The following CPT1B variants were observed in gnomAD, a reference collection of about 807,000 sequenced individuals.
CPT1B encodes the protein carnitine O-palmitoyltransferase 1, muscle isoform.
In CPT1B, 57 loss-of-function variants were observed where a neutral mutation model predicts 92.7. The ratio of observed to expected loss-of-function variants is 0.62; its 90% CI spans 0.50 to 0.77. The LOEUF is 0.77. Ranked by LOEUF, CPT1B falls within the 30% of genes least tolerant of loss-of-function variation. The pLI is 0.00. For missense variants in CPT1B, 983 were observed against 1,017.4 expected, an observed-to-expected ratio of 0.97 and a Z score of 0.46; for synonymous variants, 398 against 383.5, an observed-to-expected ratio of 1.04 and a Z score of -0.44.
chr22:50,575,614 C>G (rs1015966192), intron 7 of CPT1B, among the ~76,000 whole-genome samples: 2 of 152,186 alleles, frequency 1.3e-5, no homozygotes, highest in Non-Finnish European at 2.9e-5. Context: ...AAAGCAGCAG[C>G]CTGGCCTCCA....
chr22:50,577,623 A>G, intron 2 of CPT1B, 152 bp downstream of exon 2: 1 of 1,403,106 alleles, frequency 7.1e-7, no homozygotes, highest in African/African-American at 1.4e-5. Flanking sequence ...CCTGTGTCCG[A>G]CCACATCCTG....
At chr22:50,578,518 A>G (rs2070583198), upstream of CPT1B, 1 of 156,012 alleles carries the variant, frequency 6.4e-6, no homozygotes, top group Non-Finnish European at 1.4e-5. Flanking sequence ...GGTCGGGGAA[A>G]AACGTGGGGC....
chr22:50,577,117 AG>A, intron 3 of CPT1B, 83 bp from the exon 4 acceptor site: 1 of 1,511,838 alleles, frequency 6.6e-7, no homozygotes, highest in Non-Finnish European at 9.1e-7. Flanking sequence ...GGAGACACCA[AG>A]GGGAAGAACC....
Position 50,577,426 on chromosome 22 carries a change from G to A in CPT1B, c.179C>T (p.Thr60Ile). The change falls in exon 3 of 20, where the codon ACC becomes ATC. Residue 60 changes from threonine (T) to isoleucine (I), a missense_variant. Physicochemically the swap from Thr to Ile is moderately conservative, Grantham distance 89. Transcript: ENST00000312108. ...ILRGVYPGSPTSWLVVIMATV... is the reference protein window; with the variant it reads ...ILRGVYPGSPISWLVVIMATV... ...TGCCATGATGACGACCAGCCAGCTG[G>A]TGGGGCTGCCAGGGTACACGCCCCT... The A allele has an allele frequency of 6.2e-7, 1 of 1,613,882 alleles. No homozygotes were observed. Among genetic ancestry groups the A allele is most frequent in the Non-Finnish European group, 8.5e-7 (1 of 1,179,990 alleles).
Position 50,573,385 on chromosome 22 carries a change from C to T in CPT1B, c.1166+135G>A. On this transcript the variant is annotated intron_variant, in intron 10 of 19. Coordinates refer to ENST00000312108, the MANE Select transcript of CPT1B (RefSeq NM_152246.3). The surrounding 1 kb of genome is among the most constrained non-coding windows in gnomAD (Gnocchi z 5.0). ...GAGGTAGGTTATGCTGGCTGTCCTG[C>T]TGCCATGACCACCAATGCCCCTCCC... 1.3e-6 allele frequency: 1 copy of T among 792,214 alleles called. No homozygotes were observed. The highest frequency in any genetic ancestry group is 2.0e-6 in the Non-Finnish European group (1 of 504,324). The allele number at this position is 792,214 out of a possible 1,614,324, so 49.1% of individuals were successfully genotyped here. A position where few individuals can be genotyped will look rare whatever the true frequency, so the allele number is the denominator to read the frequency against.
rs925520502 is a variant in CPT1B at position 50,573,437 on chromosome 22, C to T, written c.1166+83G>A. 297 of 1,269,632 alleles carry T rather than the reference C, an allele frequency of 2.3e-4. No homozygotes were observed. Among genetic ancestry groups the T allele is most frequent in the Non-Finnish European group, 3.1e-4 (288 of 917,956 alleles). 78.6% of individuals were successfully genotyped at this position (1,269,632 alleles called of 1,614,324 possible). On this transcript the variant is annotated intron_variant, in intron 10 of 19. Transcript: ENST00000312108. The surrounding 1 kb of genome is among the most constrained non-coding windows in gnomAD (Gnocchi z 5.0). ...TAGTTGTGCCTCCAGCCTCCAGTTC[C>T]AGGGTGGCAGGCAGGGCCACGCTCC...
In CPT1B at chr22:50,574,515, A is replaced by G; in HGVS notation, c.863T>C (p.Leu288Pro). 2 of 1,614,114 alleles carry G rather than the reference A, an allele frequency of 1.2e-6. No individual in the cohort carries two copies. Among genetic ancestry groups the G allele is most frequent in the Non-Finnish European group, 1.7e-6 (2 of 1,180,010 alleles). ...IHAMIMYRRK[L>P]DREEIKPVMA... Reference sequence around the variant, plus strand: ...CACAGGCTTGATTTCTTCACGGTCCAGTTTACGGCGATACATGATCATGGC... The same window carrying G: ...CACAGGCTTGATTTCTTCACGGTCCGGTTTACGGCGATACATGATCATGGC... The change falls in exon 8 of 20, where the codon CTG becomes CCG. Residue 288 changes from leucine (L) to proline (P), a missense_variant. Leu to Pro is a moderately conservative substitution (Grantham distance 98). Coordinates refer to ENST00000312108, the MANE Select transcript of CPT1B (RefSeq NM_152246.3).
chr22:50,576,731 C>T (rs1167949209), intron 4 of CPT1B, 94 bp from the exon 5 acceptor site: 1 of 1,554,516 alleles, frequency 6.4e-7, no homozygotes, highest in South Asian at 1.1e-5. Context: ...CATCCCAGCC[C>T]CTCCAGGACA....
At chr22:50,577,118 G>C in intron 3 of CPT1B, 84 bp from the exon 4 acceptor site, 1 of 1,506,592 alleles carries the variant, frequency 6.6e-7, no homozygotes, top group Non-Finnish European at 9.1e-7. Flanking sequence ...GAGACACCAA[G>C]GGGAAGAACC....
Position 50,577,806 on chromosome 22 carries a change from T to G in CPT1B, c.110A>C (p.Asn37Thr), listed in dbSNP as rs755713509. 1 of 1,613,666 alleles carries G rather than the reference T, an allele frequency of 6.2e-7. No individual in the cohort carries two copies. The highest frequency in any genetic ancestry group is 1.1e-5 in the South Asian group (1 of 91,074). ...GCGGATCAGGCGTTTCTTCCAGGAG[T>G]TGATCCCAGACAGGTAGACGTGTTT... Reference protein sequence around the residue: ...ALKHVYLSGINSWKKRLIRIK... With the variant: ...ALKHVYLSGITSWKKRLIRIK... The change falls in exon 2 of 20, where the codon AAC becomes ACC. Residue 37 changes from asparagine (N) to threonine (T), a missense_variant. Coordinates refer to ENST00000312108, the MANE Select transcript of CPT1B (RefSeq NM_152246.3).
At position 50,572,004 on chromosome 22, in the gene CPT1B, AC is replaced by A; in HGVS notation, c.1575+1del. The A allele has an allele frequency of 6.2e-7, 1 of 1,613,224 alleles. No homozygotes were observed. ...CACCTGCTCTGGGAGCTTCCAACCC[AC>A]CTGTTTTGGAATGTCCCACTGCAGC... On this transcript the variant is annotated splice_donor_variant, in intron 13 of 19. Transcript: ENST00000312108. LOFTEE classifies it high-confidence loss of function.
Position 50,576,638 on chromosome 22 carries a change from C to A in CPT1B, c.460-1G>T, listed in dbSNP as rs2070451701. On this transcript the variant is annotated splice_acceptor_variant, in intron 4 of 19. Transcript: ENST00000312108. LOFTEE classifies it high-confidence loss of function. Reference sequence around the variant, plus strand: ...GGCTGGATAGAAGGCGGATACACATCTGGGGGTACAGAGCAGAGTGCTGGG... The same window carrying A: ...GGCTGGATAGAAGGCGGATACACATATGGGGGTACAGAGCAGAGTGCTGGG... The A allele has an allele frequency of 6.2e-7, 1 of 1,610,726 alleles. No homozygotes were observed. Among genetic ancestry groups the A allele is most frequent in the Non-Finnish European group, 8.5e-7 (1 of 1,178,722 alleles).
At position 50,576,599 on chromosome 22, in the gene CPT1B, G is replaced by C; in HGVS notation, c.498C>G (p.Leu166=). The C allele has an allele frequency of 6.2e-7, 1 of 1,610,186 alleles. No individual in the cohort carries two copies. Among genetic ancestry groups the C allele is most frequent in the Non-Finnish European group, 8.5e-7 (1 of 1,178,432 alleles). The change falls in exon 5 of 20, where the codon CTC becomes CTG. Residue 166 remains leucine, a synonymous_variant. Transcript: ENST00000312108. The part of the protein sequence containing the change: ...IRLLSSRHPM[L]YSFQTSLPKL... ...TGGGCAGAGATGTCTGGAAGCTGTAGAGCATAGGGTGCCGGCTGGATAGAA... is the reference window on the plus strand; with the variant it reads ...TGGGCAGAGATGTCTGGAAGCTGTACAGCATAGGGTGCCGGCTGGATAGAA...
At position 50,572,972 on chromosome 22, in the gene CPT1B, C is replaced by T. The variant is rs766739758; in HGVS notation, c.1255G>A (p.Val419Met). 23 of 1,613,610 alleles carry T rather than the reference C, an allele frequency of 1.4e-5. No homozygotes were observed. The highest frequency in any genetic ancestry group is 1.6e-4 in the Middle Eastern group (1 of 6,082). Residue 419 changes from valine to methionine, a missense_variant, in exon 11 of 20, where the codon GTG becomes ATG. Coordinates refer to ENST00000312108, the MANE Select transcript of CPT1B (RefSeq NM_152246.3). ...GAGTAGGATTCCTCATCCAGGGCCA[C>T]GAAGAAAGCGGCACGCTCGATGGCC... is the stretch of plus-strand genomic sequence containing the variant. ...LEAIERAAFF[V>M]ALDEESYSYD...
chr22:50,570,985 C>G lies in CPT1B; in HGVS notation c.1934G>C (p.Arg645Pro). The change falls in exon 16 of 20, where the codon CGC (arginine) becomes CCC (proline). Residue 645 changes from arginine (R) to proline (P), a missense_variant. Arg to Pro is a moderately radical substitution (Grantham distance 103, BLOSUM62 -2). Coordinates refer to ENST00000312108, the MANE Select transcript of CPT1B (RefSeq NM_152246.3). ...KAAKKHQNMY[R>P]LAMTGAGIDR... ...GATCCCTGCCCCGGTCATGGCCAGG[C>G]GGTACATATTCTGGTGCTTCTTAGC... 1 of 1,614,022 alleles carries G rather than the reference C, an allele frequency of 6.2e-7. No homozygotes were observed. Among genetic ancestry groups the G allele is most frequent in the Non-Finnish European group, 8.5e-7 (1 of 1,180,020 alleles).
intron 13 of CPT1B, 31 bp from the exon 14 acceptor site, chr22:50,571,570 G>C: frequency 6.2e-7 from 1 of 1,604,236 alleles, no homozygotes; most frequent in Non-Finnish European, 8.5e-7. Context: ...TCAGCTGAGG[G>C]TAGGGCTCTC....
chr22:50,576,193 CT>C lies in CPT1B; in HGVS notation c.699+4del. ...GTGACAGTGAGCCCAGGGGCAGGAA[CT>C]TACATAGTTACTTGCCCACCATGAC... On this transcript the variant is annotated splice_donor_region_variant and intron_variant, in intron 6 of 19. Transcript: ENST00000312108. 1 of 1,614,076 alleles carries C rather than the reference CT, an allele frequency of 6.2e-7. No individual in the cohort carries two copies. The highest frequency in any genetic ancestry group is 2.2e-5 in the East Asian group (1 of 44,872).
intron 17 of CPT1B, among the ~76,000 whole-genome samples, chr22:50,569,910 GTC>G (rs1228520572): frequency 1.3e-5 from 2 of 152,134 alleles, no homozygotes; most frequent in Non-Finnish European, 2.9e-5. Flanking sequence ...AGATCACTCC[GTC>G]TCTCTCCAGA....
At chr22:50,577,718 G>C in intron 2 of CPT1B, 57 bp downstream of exon 2, 1 of 1,597,536 alleles carries the variant, frequency 6.3e-7, no homozygotes, top group East Asian at 2.2e-5. Context: ...CTAACAAAGC[G>C]CTTAACAGCT....
Sources: gnomAD v4.1 joint callset for allele counts (sites outside exome capture counted in the v4.1 genomes callset) on GRCh38, gnomAD v4.1.1 for gene constraint, Gnocchi (gnomAD v3.1) non-coding constraint, MANE v1.5 for transcripts, NCBI Gene and HGNC (gene_info 2026-07-23, HGNC 2026-07-21) for gene names.